The following SIPA1L3 variants were observed in gnomAD, a reference collection of about 807,000 sequenced individuals.
SIPA1L3 encodes signal-induced proliferation-associated 1-like protein 3.
In SIPA1L3, 59 loss-of-function variants were observed where a neutral mutation model predicts 150.1. The ratio of observed to expected loss-of-function variants is 0.39; its 90% CI spans 0.32 to 0.49. The LOEUF (loss-of-function observed/expected upper bound fraction) is 0.49, where lower values mean the gene tolerates loss of function less well. Among genes scored for constraint, SIPA1L3 ranks in the 20% least tolerant of loss-of-function variants. The pLI, the probability that SIPA1L3 is intolerant of heterozygous loss-of-function variation, is 0.86. For synonymous variants in SIPA1L3, 1,070 were observed against 1,077.6 expected (o/e 0.99, Z 0.14); for missense variants, 2,211 against 2,489.5 (o/e 0.89, Z 2.38).
chr19:37,976,088 G>C (rs554462065), intron 1 of SIPA1L3, among the ~76,000 whole-genome samples: 24 of 137,646 alleles, frequency 1.7e-4, no homozygotes, highest in Non-Finnish European at 2.7e-4. Flanking sequence ...CTGGGTGACA[G>C]AGCAAGGCTC....
chr19:38,142,756 C>T, intron 12 of SIPA1L3, 46 bp downstream of exon 12: 9 of 1,572,494 alleles, frequency 5.7e-6, no homozygotes, highest in Non-Finnish European at 7.8e-6. Context: ...CTGATGAAAG[C>T]TGTGCCTCCT....
intron 15 of SIPA1L3, among the ~76,000 whole-genome samples, chr19:38,172,243 G>A (rs994310217): frequency 6.6e-6 from 1 of 152,166 alleles, no homozygotes; most frequent in Non-Finnish European, 1.5e-5. Context: ...GAGAGTCCAG[G>A]GTGGCTGCCA....
At chr19:38,145,456 C>G (rs1971682043) in intron 12 of SIPA1L3, among the ~76,000 whole-genome samples, 2 of 150,922 alleles carry the variant, frequency 1.3e-5, no homozygotes, top group Admixed American at 6.6e-5. Flanking sequence ...TCGTTTGAAC[C>G]TGGTAGGTGC....
intron 1 of SIPA1L3, among the ~76,000 whole-genome samples, chr19:37,971,223 C>T (rs1441998638): frequency 6.6e-6 from 1 of 151,930 alleles, no homozygotes; most frequent in African/African-American, 2.4e-5. Context: ...TCAAGTGATC[C>T]TCCTGTCTCT....
intron 1 of SIPA1L3, among the ~76,000 whole-genome samples, chr19:37,976,347 C>G (rs2145604939): frequency 6.6e-6 from 1 of 152,176 alleles, no homozygotes; most frequent in East Asian, 1.9e-4. Context: ...CCCTGAATGC[C>G]CTGATCACTG....
At chr19:38,196,435 C>T (rs932739366) in intron 18 of SIPA1L3, among the ~76,000 whole-genome samples, 3 of 138,112 alleles carry the variant, frequency 2.2e-5, no homozygotes, top group African/African-American at 2.8e-5. Context: ...AGGTCAAGGG[C>T]AGAGCAAGGA....
chr19:38,119,232 T>C (rs1970959323), intron 8 of SIPA1L3, 74 bp from the exon 9 acceptor site: 2 of 1,387,912 alleles, frequency 1.4e-6, no homozygotes, highest in Non-Finnish European at 2.0e-6. Context: ...TTCCTATTTT[T>C]TGATCGAATA....
intron 4 of SIPA1L3, among the ~76,000 whole-genome samples, chr19:38,093,000 C>T (rs923475541): frequency 3.3e-5 from 5 of 151,918 alleles, no homozygotes; most frequent in East Asian, 3.9e-4. Context: ...GCTGGGACTA[C>T]AGGCTCCCAC....
At chr19:38,141,529 C>A in intron 11 of SIPA1L3, 94 bp downstream of exon 11, 1 of 1,318,910 alleles carries the variant, frequency 7.6e-7, no homozygotes, top group South Asian at 1.4e-5. Context: ...CCTCCATCCT[C>A]TTCCTCGCCT....
chr19:37,962,187 A>G (rs2046864574), intron 1 of SIPA1L3, among the ~76,000 whole-genome samples: 1 of 144,362 alleles, frequency 6.9e-6, no homozygotes. Flanking sequence ...TCTGTTGCCC[A>G]GGCTGGAGTG....
rs1003076473 is a variant in SIPA1L3 at position 38,120,006 on chromosome 19, T to C, written c.2868+124T>C. On this transcript the variant is annotated intron_variant, in intron 9 of 21. Coordinates refer to ENST00000222345, the MANE Select transcript of SIPA1L3 (RefSeq NM_015073.3). ...CGCACTGGCCCGGAGAGAATCACAG[T>C]TGTCACTTACAAACTAGACATCTTG... 10 of 654,174 alleles carry C rather than the reference T, an allele frequency of 1.5e-5. No homozygotes were observed. The South Asian group carries it at 1.6e-4, about 11-fold the overall frequency. 40.5% of individuals were successfully genotyped at this position (654,174 alleles called of 1,614,324 possible). A position where few individuals can be genotyped will look rare whatever the true frequency, so the allele number is the denominator to read the frequency against.
At chr19:38,008,861 C>A (rs1343635873) in intron 1 of SIPA1L3, among the ~76,000 whole-genome samples, 1 of 151,884 alleles carries the variant, frequency 6.6e-6, no homozygotes, top group East Asian at 1.9e-4. Flanking sequence ...TGCCTGGCCA[C>A]ATTCCTTTTT....
chr19:37,923,699 C>T (rs2046476311), intron 1 of SIPA1L3, among the ~76,000 whole-genome samples: 1 of 151,982 alleles, frequency 6.6e-6, no homozygotes, highest in Admixed American at 6.6e-5. Context: ...AATACATTAA[C>T]CGTAGCTTAC....
At chr19:38,122,054 C>G in intron 9 of SIPA1L3, among the ~76,000 whole-genome samples, 1 of 151,554 alleles carries the variant, frequency 6.6e-6, no homozygotes, top group Admixed American at 6.6e-5. Flanking sequence ...AACCTCATCT[C>G]TACTAAAAAT....
At chr19:38,043,470 C>T (rs1968973358) in intron 2 of SIPA1L3, among the ~76,000 whole-genome samples, 1 of 152,204 alleles carries the variant, frequency 6.6e-6, no homozygotes, top group East Asian at 1.9e-4. Flanking sequence ...GTTATCACTG[C>T]AGAAATATCG....
intron 2 of SIPA1L3, among the ~76,000 whole-genome samples, chr19:38,057,685 C>T (rs1158019078): frequency 2.6e-5 from 4 of 151,466 alleles, no homozygotes; most frequent in South Asian, 2.1e-4. Context: ...CTCGCTCTGT[C>T]GCCCAGGCTG....
intron 1 of SIPA1L3, among the ~76,000 whole-genome samples, chr19:37,963,668 A>G (rs2046878928): frequency 6.6e-6 from 1 of 152,244 alleles, no homozygotes; most frequent in Admixed American, 6.5e-5. Context: ...TTGGGTAGTT[A>G]TATGCCTTTG....
At chr19:38,134,624 T>G (rs1971390726) in intron 10 of SIPA1L3, among the ~76,000 whole-genome samples, 1 of 147,920 alleles carries the variant, frequency 6.8e-6, no homozygotes, top group African/African-American at 2.5e-5. Context: ...GAAGAATCAC[T>G]TGAACCCAGG....
At chr19:38,151,261 A>C (rs1454846744) in intron 12 of SIPA1L3, among the ~76,000 whole-genome samples, 2 of 152,172 alleles carry the variant, frequency 1.3e-5, no homozygotes, top group Non-Finnish European at 1.5e-5. Flanking sequence ...GGTAACAGAC[A>C]CCTGAAAGTC....
Sources: gnomAD v4.1 joint callset for allele counts (sites outside exome capture counted in the v4.1 genomes callset) on GRCh38, gnomAD v4.1.1 for gene constraint, MANE v1.5 for transcripts, NCBI Gene and HGNC (gene_info 2026-07-23, HGNC 2026-07-21) for gene names.